The following SEPTIN2 variants were observed in gnomAD, a reference collection of about 807,000 sequenced individuals.
The protein encoded by SEPTIN2 is septin-2.
Under a neutral mutation model 46.5 loss-of-function variants are expected in SEPTIN2, and 34 were observed. That is an observed-to-expected ratio of 0.73 (90% CI 0.56 to 0.97). The LOEUF (loss-of-function observed/expected upper bound fraction) is 0.97. Among genes scored for constraint, SEPTIN2 ranks in the 50% least tolerant of loss-of-function variants. The pLI, the probability that SEPTIN2 is intolerant of heterozygous loss-of-function variation, is 0.00. For synonymous variants in SEPTIN2, 175 were observed against 153.4 expected (o/e 1.14, Z -1.04); for missense variants, 347 against 448.4 (o/e 0.77, Z 2.04).
intron 1 of SEPTIN2, among the ~76,000 whole-genome samples, chr2:241,317,345 A>G (rs568788794): frequency 2.8e-4 from 42 of 152,266 alleles, no homozygotes; most frequent in African/African-American, 9.9e-4. Context: ...CACCAGTGCC[A>G]CAGCCAGGAA....
chr2:241,336,332 C>G (rs372533691), intron 5 of SEPTIN2: 27 of 488,026 alleles, frequency 5.5e-5, no homozygotes, highest in African/African-American at 4.5e-4. Context: ...CCATAGACTG[C>G]TAGTATAAAT....
At chr2:241,347,876 G>A (rs1458484394) in intron 10 of SEPTIN2, among the ~76,000 whole-genome samples, 1 of 152,086 alleles carries the variant, frequency 6.6e-6, no homozygotes, top group Non-Finnish European at 1.5e-5. Flanking sequence ...TTAGCTGGGC[G>A]TGGTAGCACG....
intron 5 of SEPTIN2, 95 bp from the exon 6 acceptor site, chr2:241,337,287 T>C (rs1373441440): frequency 9.4e-7 from 1 of 1,065,076 alleles, no homozygotes; most frequent in East Asian, 2.5e-5. Flanking sequence ...TATTAAATTA[T>C]GTATATTTGG....
intron 1 of SEPTIN2, among the ~76,000 whole-genome samples, chr2:241,322,342 A>C (rs1400458884): frequency 1.3e-5 from 2 of 152,088 alleles, no homozygotes; most frequent in East Asian, 3.9e-4. Context: ...ACAGTGGCTC[A>C]CACCTGTAAT....
intron 1 of SEPTIN2, among the ~76,000 whole-genome samples, chr2:241,322,566 A>G (rs891118102): frequency 2.6e-5 from 4 of 151,572 alleles, no homozygotes; most frequent in African/African-American, 9.7e-5. Context: ...GAGATCACCC[A>G]CTGTACTTCA....
At chr2:241,351,892 G>A (rs888455161) in intron 12 of SEPTIN2, 75 bp from the exon 13 acceptor site, 1 of 152,432 alleles carries the variant, frequency 6.6e-6, no homozygotes, top group African/African-American at 2.4e-5. Context: ...AAGGAGAAAA[G>A]TAGAACTGTT....
chr2:241,339,722 C>G (rs1361465922), intron 7 of SEPTIN2, among the ~76,000 whole-genome samples: 2 of 152,140 alleles, frequency 1.3e-5, no homozygotes, highest in Non-Finnish European at 2.9e-5. Flanking sequence ...GCTAGTGATA[C>G]CCTCTGCCTG....
intron 7 of SEPTIN2, among the ~76,000 whole-genome samples, chr2:241,339,103 G>T (rs1445513881): frequency 7.1e-6 from 1 of 140,748 alleles, no homozygotes; most frequent in Non-Finnish European, 1.5e-5. Context: ...TAAAATAAAA[G>T]AGTTTCTAGG....
rs551659619 is a variant in SEPTIN2, at chr2:241,348,281, G to C, written c.984+90G>C. The C allele has an allele frequency of 4.9e-5, 51 of 1,048,650 alleles. No individual in the cohort carries two copies. The African/African-American group carries it at 7.3e-4, about 15-fold the overall frequency. The allele number at this position is 1,048,650 out of a possible 1,614,324, so 65.0% of individuals were successfully genotyped here. Reference sequence around the variant, plus strand: ...TTTGCACCATTGCCCAGGCTGGAGTGCAGTGGCGTGATCTCGGCTCACTGC... The same window carrying C: ...TTTGCACCATTGCCCAGGCTGGAGTCCAGTGGCGTGATCTCGGCTCACTGC... On this transcript the variant is annotated intron_variant, in intron 11 of 12. Transcript: ENST00000391971.
At chr2:241,347,920 T>C (rs545335781) in intron 10 of SEPTIN2, among the ~76,000 whole-genome samples, 73 of 152,042 alleles carry the variant, frequency 4.8e-4, no homozygotes, top group African/African-American at 1.7e-3. Flanking sequence ...GAGGCTAAGG[T>C]GGGAGAATTG....
At chr2:241,327,049 TCAAAAAAAA>T (rs2078094413) in intron 3 of SEPTIN2, among the ~76,000 whole-genome samples, 1 of 39,840 alleles carries the variant, frequency 2.5e-5, no homozygotes, top group Admixed American at 4.2e-4. Context: ...AAACCTTGTC[TCAAAAAAAA>T]AAAAAAAAAA....
intron 8 of SEPTIN2, among the ~76,000 whole-genome samples, chr2:241,343,351 T>C (rs779552843): frequency 2.6e-5 from 4 of 151,950 alleles, no homozygotes; most frequent in Non-Finnish European, 2.9e-5. Flanking sequence ...ATACAAAAAT[T>C]AGGTGGATGT....
chr2:241,329,679 G>C (rs2078660569), intron 3 of SEPTIN2, among the ~76,000 whole-genome samples: 1 of 152,192 alleles, frequency 6.6e-6, no homozygotes, highest in African/African-American at 2.4e-5. Context: ...TGTAACCTGG[G>C]TCATTTATAA....
At chr2:241,320,125 T>A in intron 1 of SEPTIN2, 1 of 431,592 alleles carries the variant, frequency 2.3e-6, no homozygotes, top group South Asian at 1.7e-5. Flanking sequence ...CTTTGTTCCT[T>A]TCTTATGTCT....
At chr2:241,339,618 G>A (rs944025264) in intron 7 of SEPTIN2, among the ~76,000 whole-genome samples, 1 of 152,106 alleles carries the variant, frequency 6.6e-6, no homozygotes, top group African/African-American at 2.4e-5. Flanking sequence ...CCAGTTTCCT[G>A]CTGATGAATA....
intron 3 of SEPTIN2, among the ~76,000 whole-genome samples, chr2:241,330,347 A>C (rs2149976569): frequency 6.6e-6 from 1 of 152,354 alleles, no homozygotes; most frequent in South Asian, 2.1e-4. Context: ...ATACCAGTCC[A>C]CATGTAAATG....
chr2:241,321,082 T>G (rs1199222090), intron 1 of SEPTIN2, among the ~76,000 whole-genome samples: 1 of 152,212 alleles, frequency 6.6e-6, no homozygotes, highest in Non-Finnish European at 1.5e-5. Context: ...CAAATTTTGT[T>G]TAGGCTTTTT....
intron 3 of SEPTIN2, among the ~76,000 whole-genome samples, chr2:241,326,917 T>TA (rs1226553394): frequency 6.6e-6 from 1 of 151,672 alleles, no homozygotes; most frequent in Non-Finnish European, 1.5e-5. Context: ...CTACAGAAAA[T>TA]ATGAAAACTA....
chr2:241,336,106 C>A lies in SEPTIN2; in HGVS notation c.341+8C>A. 6.2e-7 allele frequency: 1 copy of A among 1,612,956 alleles called. No homozygotes were observed. Among genetic ancestry groups the A allele is most frequent in the East Asian group, 2.2e-5 (1 of 44,862 alleles). On this transcript the variant is annotated splice_region_variant and intron_variant, in intron 5 of 12. Coordinates refer to ENST00000391971, the MANE Select transcript of SEPTIN2 (RefSeq NM_004404.5). ...TATCAACTGCAGAGATTGGTATGCTCCCCCATGCCCAGGGATCTGCATTTG... is the reference window on the plus strand; with the variant it reads ...TATCAACTGCAGAGATTGGTATGCTACCCCATGCCCAGGGATCTGCATTTG...
Sources: gnomAD v4.1 joint callset for allele counts (sites outside exome capture counted in the v4.1 genomes callset) on GRCh38, gnomAD v4.1.1 for gene constraint, MANE v1.5 for transcripts, NCBI Gene and HGNC (gene_info 2026-07-23, HGNC 2026-07-21) for gene names.